Variants in STX18 observed in about 807,000 individuals in gnomAD.
STX18 encodes syntaxin 18.
In STX18, 40 loss-of-function variants were observed where a neutral mutation model predicts 50.1. The observed-to-expected ratio is 0.80, with a 90% CI of 0.62 to 1.04. The LOEUF is 1.04. Ranked by LOEUF, STX18 falls within the 50% of genes least tolerant of loss-of-function variation. The probability of loss-of-function intolerance (pLI) is 0.00; values close to 1 mark genes in which losing one functional copy is unlikely to be tolerated. For missense variants in STX18, 410 were observed against 415.8 expected, an observed-to-expected ratio of 0.99 and a Z score of 0.12; for synonymous variants, 158 against 151.8, an observed-to-expected ratio of 1.04 and a Z score of -0.30.
At chr4:4,483,713 T>C (rs567397794) in intron 1 of STX18, among the ~76,000 whole-genome samples, 1 of 152,190 alleles carries the variant, frequency 6.6e-6, no homozygotes, top group Admixed American at 6.5e-5. Context: ...AGCAGCATGA[T>C]AGGGCACCCA....
chr4:4,481,803 C>G (rs1577361660), intron 1 of STX18: 1 of 152,310 alleles, frequency 6.6e-6, no homozygotes, highest in Non-Finnish European at 1.5e-5. Context: ...CCCCAGTGAC[C>G]AATCACCCAC....
At chr4:4,536,648 G>C (rs1176031429) in intron 1 of STX18, among the ~76,000 whole-genome samples, 1 of 152,226 alleles carries the variant, frequency 6.6e-6, no homozygotes, top group East Asian at 1.9e-4. Flanking sequence ...GTGAGCAAAA[G>C]GAGGGGGAGA....
rs181888966 is a variant in STX18 at position 4,457,103 on chromosome 4, T to C, written c.497+88A>G. ...GCGAAGAAGTTCAAACACGGTACATTGCATAGGGTAAGTGCTCTACAAACT... is the reference window on the plus strand; with the variant it reads ...GCGAAGAAGTTCAAACACGGTACATCGCATAGGGTAAGTGCTCTACAAACT... On this transcript the variant is annotated intron_variant, in intron 5 of 10. Coordinates refer to ENST00000306200, the MANE Select transcript of STX18 (RefSeq NM_016930.4). 6.0e-4 allele frequency: 755 copies of C among 1,256,144 alleles called. 5 individuals carry two copies. Among genetic ancestry groups the C allele is most frequent in the Non-Finnish European group, 7.8e-4 (687 of 878,884 alleles). The allele number at this position is 1,256,144 out of a possible 1,614,324, so 77.8% of individuals were successfully genotyped here. A position where few individuals can be genotyped will look rare whatever the true frequency, so the allele number is the denominator to read the frequency against.
In STX18 at chr4:4,499,411, G is replaced by GA. The variant is rs377683196; in HGVS notation, c.169-27706dup. 35 of 766,052 alleles carry GA rather than the reference G, an allele frequency of 4.6e-5. 1 individual carries two copies. The African/African-American group carries it at 6.2e-4, about 14-fold the overall frequency. The allele number at this position is 766,052 out of a possible 1,614,324, so 47.5% of individuals were successfully genotyped here. On this transcript the variant is annotated intron_variant, in intron 1 of 10. Transcript: ENST00000306200. ...TCAAAATATTCAAAGATTTTTCAAAGATTCTGAAAGCAAAGAAAACCATAC... is the reference window on the plus strand; with the variant it reads ...TCAAAATATTCAAAGATTTTTCAAAGAATTCTGAAAGCAAAGAAAACCATAC...
chr4:4,510,339 G>A (rs1233469553), intron 1 of STX18, among the ~76,000 whole-genome samples: 2 of 152,204 alleles, frequency 1.3e-5, no homozygotes, highest in African/African-American at 4.8e-5. Context: ...AAGATTGTGT[G>A]TAAAATATAA....
chr4:4,451,762 T>C (rs1026504588), intron 5 of STX18, among the ~76,000 whole-genome samples: 1 of 152,098 alleles, frequency 6.6e-6, no homozygotes, highest in Non-Finnish European at 1.5e-5. Flanking sequence ...CTCCTCTCTC[T>C]CCCTCTCCTC....
chr4:4,528,352 C>A (rs1357927816), intron 1 of STX18, among the ~76,000 whole-genome samples: 2 of 152,004 alleles, frequency 1.3e-5, no homozygotes, highest in Non-Finnish European at 2.9e-5. Context: ...TAGCGCTGTC[C>A]CCTTGGTGAT....
chr4:4,513,937 A>G (rs1472161940), intron 1 of STX18, among the ~76,000 whole-genome samples: 1 of 152,182 alleles, frequency 6.6e-6, no homozygotes. Flanking sequence ...TGATAAAGAC[A>G]CTGACGTCCT....
chr4:4,519,288 A>C (rs1442399793), intron 1 of STX18, among the ~76,000 whole-genome samples: 1 of 152,156 alleles, frequency 6.6e-6, no homozygotes, highest in Non-Finnish European at 1.5e-5. Flanking sequence ...CTAGGACTGA[A>C]GTTTTTATAT....
At chr4:4,504,045 T>C (rs952150781) in intron 1 of STX18, among the ~76,000 whole-genome samples, 2 of 152,186 alleles carry the variant, frequency 1.3e-5, no homozygotes, top group African/African-American at 4.8e-5. Context: ...GGTCACTGAC[T>C]TACACATCTG....
In STX18 at chr4:4,419,078, T is replaced by G. The variant is rs941767168; in HGVS notation, c.*956A>C. 1 of 152,276 alleles carries G rather than the reference T, an allele frequency of 6.6e-6. No individual in the cohort carries two copies. The allele number at this position is 152,276 out of a possible 1,614,324, so 9.4% of individuals were successfully genotyped here. On this transcript the variant is annotated 3_prime_UTR_variant, in exon 11 of 11. Transcript: ENST00000306200. ...AGGATACCTGTGCTGCCCAGTGGAC[T>G]GTCTGTACACACACGCATTTCACCA...
intron 1 of STX18, among the ~76,000 whole-genome samples, chr4:4,473,310 T>C (rs1260230974): frequency 1.4e-5 from 2 of 147,798 alleles, no homozygotes; most frequent in African/African-American, 5.0e-5. Context: ...TTTTTTTTTT[T>C]GAGATGGAGT....
chr4:4,507,819 A>T, intron 1 of STX18: 2 of 591,264 alleles, frequency 3.4e-6, no homozygotes, highest in African/African-American at 2.0e-5. Context: ...TCACAGTAAA[A>T]AAAAAAAAAA....
intron 1 of STX18, among the ~76,000 whole-genome samples, chr4:4,514,089 C>T (rs949129657): frequency 1.3e-5 from 2 of 152,114 alleles, no homozygotes; most frequent in African/African-American, 4.8e-5. Context: ...ATGGCCAGGA[C>T]TTGTATATCA....
At chr4:4,466,381 G>A (rs1181185352) in intron 2 of STX18, among the ~76,000 whole-genome samples, 1 of 152,180 alleles carries the variant, frequency 6.6e-6, no homozygotes, top group East Asian at 1.9e-4. Flanking sequence ...GGATGGAAAA[G>A]TGGGTGAGGG....
Position 4,420,496 on chromosome 4 carries a change from C to G in STX18, c.913-367G>C, listed in dbSNP as rs572799207. ...GACTGAGCTTGGGAAACAGTCCCCT[C>G]AACAGGATGGCTGTAGTGTCCTCTG... On this transcript the variant is annotated intron_variant, in intron 10 of 10. Coordinates refer to ENST00000306200, the MANE Select transcript of STX18 (RefSeq NM_016930.4). This position sits in a 1 kb window ranked among gnomAD's most constrained non-coding sequence, Gnocchi z 4.3. 2.0e-5 allele frequency: 8 copies of G among 395,098 alleles called. No homozygotes were observed. Among genetic ancestry groups the G allele is most frequent in the Admixed American group, 1.2e-4 (3 of 24,514 alleles). The allele number at this position is 395,098 out of a possible 1,614,324, so 24.5% of individuals were successfully genotyped here. A position where few individuals can be genotyped will look rare whatever the true frequency, so the allele number is the denominator to read the frequency against.
chr4:4,473,529 G>A (rs904620849), intron 1 of STX18, among the ~76,000 whole-genome samples: 3 of 152,018 alleles, frequency 2.0e-5, no homozygotes, highest in Non-Finnish European at 2.9e-5. Flanking sequence ...TCCGGACCTC[G>A]CGATCCGCCC....
In STX18 at chr4:4,498,671, T is replaced by C. The variant is rs1020396832; in HGVS notation, c.169-26965A>G. On this transcript the variant is annotated intron_variant, in intron 1 of 10. Coordinates refer to ENST00000306200, the MANE Select transcript of STX18 (RefSeq NM_016930.4). ...TTGTCAGAGCAAAACTATCAACTAA[T>C]ACAAAATAGGCAGTCAGGACATTTA... is the stretch of plus-strand genomic sequence containing the variant. Among the ~76,000 whole-genome samples the C allele has an allele frequency of 7.9e-5, 12 of 152,268 alleles. No individual in the cohort carries two copies. In the South Asian group the frequency reaches 1.7e-3, roughly 21 times the overall value.
intron 1 of STX18, chr4:4,479,102 A>T (rs1728337378): frequency 6.6e-6 from 1 of 152,206 alleles, no homozygotes; most frequent in Non-Finnish European, 1.5e-5. Flanking sequence ...AACTATTTTT[A>T]AAAAATAGTA....
Sources: gnomAD v4.1 joint callset for allele counts (sites outside exome capture counted in the v4.1 genomes callset) on GRCh38, gnomAD v4.1.1 for gene constraint, Gnocchi (gnomAD v3.1) non-coding constraint, MANE v1.5 for transcripts, NCBI Gene and HGNC (gene_info 2026-07-23, HGNC 2026-07-21) for gene names.